Variants in PCDHGA3 observed in about 807,000 individuals in gnomAD.
The protein encoded by PCDHGA3 is protocadherin gamma subfamily A, 3.
A neutral mutation model predicts 58.5 loss-of-function variants in PCDHGA3; 40 were observed. The observed-to-expected ratio is 0.68, with a 90% CI of 0.53 to 0.89. The LOEUF is 0.89. Among genes scored for constraint, PCDHGA3 ranks in the 40% least tolerant of loss-of-function variants. The pLI is 0.00. For synonymous variants in PCDHGA3, 530 were observed against 525.7 expected (o/e 1.01, Z -0.11); for missense variants, 1,223 against 1,195.9 (o/e 1.02, Z -0.33).
intron 1 of PCDHGA3, chr5:141,356,800 G>A: frequency 1.2e-6 from 2 of 1,614,046 alleles, no homozygotes; most frequent in Non-Finnish European, 1.7e-6. Flanking sequence ...GCTGATGACA[G>A]CCAGTGACAG....
chr5:141,366,787 T>C, intron 1 of PCDHGA3: 1 of 1,572,004 alleles, frequency 6.4e-7, no homozygotes, highest in Non-Finnish European at 8.6e-7. Flanking sequence ...GACCAGAACA[T>C]TTTCATTTGT....
chr5:141,502,866 C>CTT (rs549047197), intron 2 of PCDHGA3, among the ~76,000 whole-genome samples: 3 of 128,046 alleles, frequency 2.3e-5, no homozygotes, highest in Non-Finnish European at 3.2e-5. Flanking sequence ...GACTCTCTGT[C>CTT]TTTTTTTTTT....
intron 1 of PCDHGA3, among the ~76,000 whole-genome samples, chr5:141,448,809 A>G (rs998129053): frequency 9.2e-5 from 14 of 151,812 alleles, no homozygotes; most frequent in Non-Finnish European, 1.8e-4. Flanking sequence ...GCCAGGCGTG[A>G]TGGCGGGCGC....
chr5:141,404,333 C>A, intron 1 of PCDHGA3: 3 of 1,613,854 alleles, frequency 1.9e-6, no homozygotes, highest in South Asian at 1.1e-5. Flanking sequence ...CTCAGTCTAC[C>A]TCCCGGAAAA....
intron 1 of PCDHGA3, chr5:141,417,639 C>G: frequency 1.3e-6 from 1 of 745,670 alleles, no homozygotes; most frequent in Non-Finnish European, 2.1e-6. Flanking sequence ...CGCCGGGGAT[C>G]CCTCAGCCTC....
Position 141,487,858 on chromosome 5 carries a change from G to C in PCDHGA3, c.2425-6949G>C, listed in dbSNP as rs575288726. Reference sequence around the variant, plus strand: ...ATCTGAGTAAGAAATGAAAGTAATTGGTGATCAAGAGCCAGGCTGTTGTGG... The same window carrying C: ...ATCTGAGTAAGAAATGAAAGTAATTCGTGATCAAGAGCCAGGCTGTTGTGG... On this transcript the variant is annotated intron_variant, in intron 1 of 3. Transcript: ENST00000253812. The surrounding 1 kb of genome is among the most constrained non-coding windows in gnomAD (Gnocchi z 5.0). The C allele has an allele frequency of 3.8e-5, 36 of 953,250 alleles. No individual in the cohort carries two copies. The Middle Eastern group carries it at 1.3e-3, about 35-fold the overall frequency. 59.0% of individuals were successfully genotyped at this position (953,250 alleles called of 1,614,324 possible). A position where few individuals can be genotyped will look rare whatever the true frequency, so the allele number is the denominator to read the frequency against.
chr5:141,380,372 C>A (rs73265858), intron 1 of PCDHGA3, among the ~76,000 whole-genome samples: 1 of 151,948 alleles, frequency 6.6e-6, no homozygotes. Context: ...AAAAAAAAGT[C>A]CCAAAAAAGA....
chr5:141,387,143 G>A (rs1310461267), intron 1 of PCDHGA3, among the ~76,000 whole-genome samples: 3 of 152,158 alleles, frequency 2.0e-5, no homozygotes, highest in Admixed American at 6.5e-5. Flanking sequence ...TATTGGGAAG[G>A]GGGTGTATTT....
chr5:141,438,599 T>C (rs1320902737), intron 1 of PCDHGA3, among the ~76,000 whole-genome samples: 17 of 32,510 alleles, frequency 5.2e-4, no homozygotes, highest in African/African-American at 6.7e-4. Flanking sequence ...TACATATATA[T>C]ATATATATAT....
chr5:141,409,416 T>G (rs770750853), intron 1 of PCDHGA3: 1 of 1,613,964 alleles, frequency 6.2e-7, no homozygotes, highest in South Asian at 1.1e-5. Flanking sequence ...TACAAACTGG[T>G]GACAGATGGA....
intron 1 of PCDHGA3, chr5:141,362,455 T>C (rs1762512121): frequency 6.2e-7 from 1 of 1,614,010 alleles, no homozygotes; most frequent in Non-Finnish European, 8.5e-7. Flanking sequence ...AACCCCGGAA[T>C]TGGTTCCCGC....
At chr5:141,355,857 C>G (rs567640077) in intron 1 of PCDHGA3, 4 of 1,612,456 alleles carry the variant, frequency 2.5e-6, no homozygotes, top group South Asian at 2.2e-5. Flanking sequence ...ATGGAGGTGA[C>G]CCGGTTCGCT....
rs771162532 is a variant in PCDHGA3, at chr5:141,491,756, C to A, written c.2425-3051C>A. On this transcript the variant is annotated intron_variant, in intron 1 of 3. Transcript: ENST00000253812. The surrounding 1 kb of genome is among the most constrained non-coding windows in gnomAD (Gnocchi z 6.9). ...CCTGGGGGCGGCACTGGAGAAGCCGCCCGTCCTCATAAGGGATTGAACTTG... is the reference window on the plus strand; with the variant it reads ...CCTGGGGGCGGCACTGGAGAAGCCGACCGTCCTCATAAGGGATTGAACTTG... The A allele has an allele frequency of 6.3e-7, 1 of 1,581,720 alleles. No individual in the cohort carries two copies. Among genetic ancestry groups the A allele is most frequent in the Middle Eastern group, 1.7e-4 (1 of 5,958 alleles).
At chr5:141,374,748 G>T in intron 1 of PCDHGA3, 1 of 1,611,888 alleles carries the variant, frequency 6.2e-7, no homozygotes, top group Non-Finnish European at 8.5e-7. Flanking sequence ...GACCCTGTCC[G>T]CTCAAGCGTC....
At chr5:141,461,966 G>A (rs2099027516) in intron 1 of PCDHGA3, among the ~76,000 whole-genome samples, 1 of 152,162 alleles carries the variant, frequency 6.6e-6, no homozygotes, top group African/African-American at 2.4e-5. Context: ...TGGGATTCCA[G>A]GCATATGCCA....
chr5:141,408,043 A>G, intron 1 of PCDHGA3: 1 of 1,220,238 alleles, frequency 8.2e-7, no homozygotes, highest in Non-Finnish European at 1.1e-6. Context: ...ACCAGCTCCC[A>G]CACAGAGCCT....
chr5:141,491,199 C>T lies in PCDHGA3; in HGVS notation c.2425-3608C>T. ...TGGTCCTGGTGAGGGACAATGGTGA[C>T]CCTTCACTCTCCTCCACAGCCACAG... On this transcript the variant is annotated intron_variant, in intron 1 of 3. Coordinates refer to ENST00000253812, the MANE Select transcript of PCDHGA3 (RefSeq NM_018916.4). The surrounding 1 kb of genome is among the most constrained non-coding windows in gnomAD (Gnocchi z 6.9). 1 of 1,614,190 alleles carries T rather than the reference C, an allele frequency of 6.2e-7. No homozygotes were observed. Among genetic ancestry groups the T allele is most frequent in the South Asian group, 1.1e-5 (1 of 91,086 alleles).
At chr5:141,419,124 T>A in intron 1 of PCDHGA3, 1 of 1,613,798 alleles carries the variant, frequency 6.2e-7, no homozygotes, top group Non-Finnish European at 8.5e-7. Context: ...AACGTCACCA[T>A]CGCAGCCACA....
chr5:141,453,266 A>G (rs1322091044), intron 1 of PCDHGA3, among the ~76,000 whole-genome samples: 4 of 151,838 alleles, frequency 2.6e-5, no homozygotes. Flanking sequence ...AGTGCACACC[A>G]CCATGACTGG....
Sources: gnomAD v4.1 joint callset for allele counts (sites outside exome capture counted in the v4.1 genomes callset) on GRCh38, gnomAD v4.1.1 for gene constraint, Gnocchi (gnomAD v3.1) non-coding constraint, MANE v1.5 for transcripts, NCBI Gene and HGNC (gene_info 2026-07-23, HGNC 2026-07-21) for gene names.